CEP83: variants seen among roughly 807,000 people sequenced by gnomAD.
The protein encoded by CEP83 is centrosomal protein of 83 kDa.
In CEP83, 70 loss-of-function variants were observed where a neutral mutation model predicts 101.9. The observed-to-expected ratio is 0.69, with a 90% CI of 0.57 to 0.84. CEP83 has a LOEUF of 0.84. Among genes scored for constraint, CEP83 ranks in the 40% least tolerant of loss-of-function variants. CEP83 has a pLI of 0.00. For missense variants in CEP83, 715 were observed against 787.2 expected, an observed-to-expected ratio of 0.91 and a Z score of 1.10; for synonymous variants, 264 against 267.9, an observed-to-expected ratio of 0.99 and a Z score of 0.14.
chr12:94,369,772 A>T, intron 9 of CEP83, 150 bp downstream of exon 9: 1 of 523,640 alleles, frequency 1.9e-6, no homozygotes, highest in Non-Finnish European at 3.3e-6. Flanking sequence ...AACACTCAAC[A>T]TATAATAAAC....
intron 11 of CEP83, among the ~76,000 whole-genome samples, chr12:94,338,352 TAA>T (rs999568995): frequency 2.6e-5 from 4 of 151,992 alleles, no homozygotes; most frequent in Admixed American, 2.6e-4. Flanking sequence ...CTGCAAGAGA[TAA>T]AAGACAGGTA....
the CEP83 span, chr12:94,280,328 A>G: frequency 6.3e-6 from 1 of 157,762 alleles, no homozygotes; most frequent in South Asian, 1.9e-4. Context: ...TTTATAGCAG[A>G]TAATGGGACA....
chr12:94,312,244 A>G (rs1162437670), intron 15 of CEP83, among the ~76,000 whole-genome samples: 1 of 152,216 alleles, frequency 6.6e-6, no homozygotes, highest in African/African-American at 2.4e-5. Flanking sequence ...TTAAAAAACA[A>G]TTGTTCACCT....
intron 2 of CEP83, among the ~76,000 whole-genome samples, chr12:94,426,511 G>C (rs959160142): frequency 2.6e-5 from 4 of 152,102 alleles, no homozygotes; most frequent in Non-Finnish European, 4.4e-5. Context: ...AATAACAAAT[G>C]AACAAATAAT....
chr12:94,274,155 TAAAAAA>T, the CEP83 span, among the ~76,000 whole-genome samples: 69 of 45,368 alleles, frequency 1.5e-3, no homozygotes, highest in African/African-American at 7.2e-3. Flanking sequence ...ACCCTGTCTC[TAAAAAA>T]AAAAAAAAAA....
At chr12:94,352,939 A>G (rs917065597) in intron 11 of CEP83, among the ~76,000 whole-genome samples, 9 of 152,340 alleles carry the variant, frequency 5.9e-5, no homozygotes, top group Middle Eastern at 3.4e-3. Context: ...AAACAAAATC[A>G]TAACTGTAGA....
At chr12:94,284,759 G>A in the CEP83 span, among the ~76,000 whole-genome samples, 1 of 152,142 alleles carries the variant, frequency 6.6e-6, no homozygotes. Flanking sequence ...CAAGATGTAG[G>A]GGTAGGGAGG....
intron 15 of CEP83, among the ~76,000 whole-genome samples, chr12:94,310,551 T>TCCTGCAGTCAGC (rs1373136000): frequency 2.0e-5 from 3 of 152,288 alleles, no homozygotes; most frequent in South Asian, 4.1e-4. Context: ...TGCATACAAG[T>TCCTGCAGTCAGC]CCTGCAGTCA....
intron 14 of CEP83, among the ~76,000 whole-genome samples, chr12:94,320,250 G>A (rs900607219): frequency 1.3e-5 from 2 of 152,118 alleles, no homozygotes; most frequent in Non-Finnish European, 2.9e-5. Context: ...CATATAAGAT[G>A]GGTCTCTTGA....
At chr12:94,332,743 T>C (rs2059277889) in intron 13 of CEP83, among the ~76,000 whole-genome samples, 1 of 152,016 alleles carries the variant, frequency 6.6e-6, no homozygotes, top group Non-Finnish European at 1.5e-5. Flanking sequence ...TTCAACCCCA[T>C]ATAAAAAAGC....
intron 6 of CEP83, among the ~76,000 whole-genome samples, chr12:94,387,795 A>G (rs1471074925): frequency 6.6e-6 from 1 of 152,228 alleles, no homozygotes; most frequent in Non-Finnish European, 1.5e-5. Flanking sequence ...TTCTCAAAAG[A>G]AGACATATAA....
intron 7 of CEP83, among the ~76,000 whole-genome samples, chr12:94,377,686 C>T (rs3843644): frequency 1 from 152,056 of 152,342 alleles, 75,885 homozygotes; most frequent in Middle Eastern, 1. Context: ...AATAAATCTT[C>T]TGTCATCATT....
Position 94,394,863 on chromosome 12 carries a change from A to G in CEP83, c.549+5987T>C, listed in dbSNP as rs1179832257. 6.6e-5 allele frequency among the ~76,000 whole-genome samples: 10 copies of G among 152,258 alleles called. No individual in the cohort carries two copies. In the East Asian group the frequency reaches 1.9e-3, roughly 29 times the overall value. On this transcript the variant is annotated intron_variant, in intron 6 of 16. Transcript: ENST00000397809. ...AGACATCTATGCAGACAACAGCCACATGTAAAAATGCTCATCATCACTGGT... is the reference window on the plus strand; with the variant it reads ...AGACATCTATGCAGACAACAGCCACGTGTAAAAATGCTCATCATCACTGGT...
chr12:94,358,918 T>A (rs1474834772), intron 11 of CEP83, among the ~76,000 whole-genome samples: 1 of 152,178 alleles, frequency 6.6e-6, no homozygotes, highest in African/African-American at 2.4e-5. Flanking sequence ...GGCCATAAAG[T>A]CCAAGCTGGA....
the CEP83 span, among the ~76,000 whole-genome samples, chr12:94,284,166 C>G: frequency 2.0e-5 from 3 of 151,384 alleles, no homozygotes; most frequent in East Asian, 5.8e-4. Flanking sequence ...GTGATTTTAT[C>G]CCCAGGAGCA....
intron 4 of CEP83, among the ~76,000 whole-genome samples, chr12:94,405,574 A>T (rs1362157160): frequency 6.6e-6 from 1 of 152,212 alleles, no homozygotes; most frequent in African/African-American, 2.4e-5. Flanking sequence ...AAAGCCTTCC[A>T]CTTTCAGCCA....
intron 6 of CEP83, among the ~76,000 whole-genome samples, chr12:94,389,381 T>C (rs143501180): frequency 1.5e-3 from 232 of 152,360 alleles, no homozygotes; most frequent in Admixed American, 3.1e-3. Context: ...ATTAAGTATC[T>C]ACTATGTGTC....
At chr12:94,411,565 T>C (rs1414702858) in intron 4 of CEP83, 132 bp downstream of exon 4, 1 of 646,900 alleles carries the variant, frequency 1.5e-6, no homozygotes, top group South Asian at 2.2e-5. Flanking sequence ...GATTAAATTG[T>C]ACCACTTGGA....
At chr12:94,439,596 G>A (rs1244093419) in intron 1 of CEP83, among the ~76,000 whole-genome samples, 1 of 150,518 alleles carries the variant, frequency 6.6e-6, no homozygotes, top group East Asian at 1.9e-4. Flanking sequence ...ATTCACAGCT[G>A]AATTCTATCA....
Sources: allele counts gnomAD v4.1 joint callset (sites outside exome capture counted in the v4.1 genomes callset), GRCh38; gene constraint gnomAD v4.1.1; transcripts MANE v1.5; gene names NCBI Gene and HGNC (gene_info 2026-07-23, HGNC 2026-07-21).